The following APBA3 variants were observed in gnomAD, a reference collection of about 807,000 sequenced individuals.
The protein encoded by APBA3 is amyloid beta precursor protein binding family A member 3, also known as amyloid-beta A4 precursor protein-binding family A member 3.
A neutral mutation model predicts 55.9 loss-of-function variants in APBA3; 45 were observed. The ratio of observed to expected loss-of-function variants is 0.80; its 90% CI spans 0.63 to 1.03. The LOEUF is 1.03. Ranked by LOEUF, APBA3 falls within the 50% of genes least tolerant of loss-of-function variation. The pLI is 0.00. For synonymous variants in APBA3, 370 were observed against 353.3 expected, an observed-to-expected ratio of 1.05 and a Z score of -0.53; for missense variants, 865 against 820.3, an observed-to-expected ratio of 1.05 and a Z score of -0.67.
At chr19:3,760,388 G>T (rs1226015527) in intron 1 of APBA3, 87 bp from the exon 2 acceptor site, 2 of 837,406 alleles carry the variant, frequency 2.4e-6, no homozygotes, top group Non-Finnish European at 3.6e-6. Flanking sequence ...GCCCAGAAGG[G>T]CTGACTGAAC....
At chr19:3,753,468 C>G (rs945449470) in intron 6 of APBA3, 1 of 402,076 alleles carries the variant, frequency 2.5e-6, no homozygotes, top group East Asian at 4.2e-5. Flanking sequence ...GGCAACAGAG[C>G]GAGACCGTGT....
At chr19:3,756,807 C>T (rs1487322561) in intron 3 of APBA3, 3 of 152,160 alleles carry the variant, frequency 2.0e-5, no homozygotes, top group East Asian at 1.9e-4. Flanking sequence ...ATATGGCTCA[C>T]GTTGTATTTC....
At position 3,754,014 on chromosome 19, in the gene APBA3, C is replaced by T. The variant is rs756881735; in HGVS notation, c.849+5G>A. On this transcript the variant is annotated splice_donor_5th_base_variant and intron_variant, in intron 5 of 10. Transcript: ENST00000316757. ...GCATCCCTGGGGCGGGTCCCTGCCCCGTACCTGGGAGTCCGCTGTCAAGAC... is the reference window on the plus strand; with the variant it reads ...GCATCCCTGGGGCGGGTCCCTGCCCTGTACCTGGGAGTCCGCTGTCAAGAC... The T allele has an allele frequency of 2.1e-5, 34 of 1,607,042 alleles. No homozygotes were observed. Among genetic ancestry groups the T allele is most frequent in the Non-Finnish European group, 2.7e-5 (32 of 1,177,000 alleles).
intron 3 of APBA3, chr19:3,755,791 T>G (rs964204960): frequency 3.4e-5 from 5 of 147,852 alleles, no homozygotes; most frequent in African/African-American, 1.2e-4. Context: ...CAGAGCAAGA[T>G]TCCATCTCCA....
chr19:3,757,100 A>G (rs952566241), intron 3 of APBA3, among the ~76,000 whole-genome samples: 8 of 151,852 alleles, frequency 5.3e-5, no homozygotes, highest in African/African-American at 1.9e-4. Context: ...TTCTCTCTGC[A>G]ACCACAGAAC....
chr19:3,753,232 T>C (rs2037032535), intron 6 of APBA3: 1 of 573,080 alleles, frequency 1.7e-6, no homozygotes, highest in Non-Finnish European at 3.1e-6. Flanking sequence ...GGCAGCTCCC[T>C]GCGCATGGGC....
rs140376888 is a variant in APBA3, at chr19:3,752,979, G to A, written c.1023C>T (p.Ile341=). 1,303 of 1,611,950 alleles carry A rather than the reference G, an allele frequency of 8.1e-4. 2 individuals are homozygous for A. Among genetic ancestry groups the A allele is most frequent in the Non-Finnish European group, 9.6e-4 (1,135 of 1,179,858 alleles). Residue 341 remains isoleucine (I), a synonymous_variant, in exon 7 of 11, where the codon ATC becomes ATT. Transcript: ENST00000316757. The stretch of plus-strand genomic sequence containing the variant: ...CGAAGGCCTGGCCAATGGCCTGGGC[G>A]ATGAGCTGGGCCTGCGGGGAGGAGT... ...HVFYAEDAQL[I]AQAIGQAFAA...
chr19:3,751,381 G>T, intron 9 of APBA3, 52 bp from the exon 10 acceptor site: 1 of 1,514,882 alleles, frequency 6.6e-7, no homozygotes. Context: ...CTCAGGGGCC[G>T]TGCTCAGGGC....
chr19:3,755,382 C>T (rs1475273641), intron 3 of APBA3: 1 of 152,312 alleles, frequency 6.6e-6, no homozygotes, highest in Non-Finnish European at 1.5e-5. Flanking sequence ...GTAGTTCACA[C>T]CTTTGGCTAC....
rs201552903 is a variant in APBA3 at position 3,751,296 on chromosome 19, G to A, written c.1549C>T (p.Arg517Cys). 111 of 1,540,372 alleles carry A rather than the reference G, an allele frequency of 7.2e-5. 1 individual carries two copies. The African/African-American group carries it at 1.2e-3, about 17-fold the overall frequency. The change falls in exon 10 of 11, where the codon CGT becomes TGT. Residue 517 changes from arginine (R) to cysteine (C), a missense_variant. By Grantham distance (180) the Arg-to-Cys change is radical. Coordinates refer to ENST00000316757, the MANE Select transcript of APBA3 (RefSeq NM_004886.4). Reference protein sequence around the residue: ...CSLLRGGIAERGGIRVGHRII... With the variant: ...CSLLRGGIAECGGIRVGHRII... The stretch of plus-strand genomic sequence containing the variant: ...CGGTGGCCGACGCGGATGCCCCCAC[G>A]CTCGGCGATGCCACCACGGAGGAGG...
At chr19:3,760,692 T>C (rs1175495215) in intron 1 of APBA3, among the ~76,000 whole-genome samples, 1 of 147,124 alleles carries the variant, frequency 6.8e-6, no homozygotes, top group East Asian at 2.0e-4. Flanking sequence ...GAGGTTGCAG[T>C]GAGCTGAGAT....
Position 3,752,704 on chromosome 19 carries a change from C to A in APBA3, c.1199G>T (p.Arg400Leu), listed in dbSNP as rs546546787. The A allele has an allele frequency of 4.4e-6, 7 of 1,597,270 alleles. No individual in the cohort carries two copies. In the African/African-American group the frequency reaches 5.4e-5, roughly 12 times the overall value. ...GGCCACGCCCAGGCCCTCCCCTCGC[C>A]GCTTCTCGAGGTGCACCTGGGACAC... is the stretch of plus-strand genomic sequence containing the variant. ...DNCREVHLEK[R>L]RGEGLGVALV... Residue 400 changes from arginine (R) to leucine (L), a missense_variant, in exon 8 of 11, where the codon CGG becomes CTG. Transcript: ENST00000316757.
chr19:3,759,302 C>T (rs930678771), intron 3 of APBA3, among the ~76,000 whole-genome samples: 2 of 152,148 alleles, frequency 1.3e-5, no homozygotes, highest in Admixed American at 6.5e-5. Flanking sequence ...GGGTCTGGCC[C>T]GACGACGATG....
At chr19:3,752,362 C>T (rs1336540387) in intron 8 of APBA3, 146 bp downstream of exon 8, 13 of 747,144 alleles carry the variant, frequency 1.7e-5, no homozygotes, top group Non-Finnish European at 2.8e-5. Context: ...CTCAGTTTCC[C>T]CAAGGGCACA....
At position 3,751,349 on chromosome 19, in the gene APBA3, G is replaced by A. The variant is rs775080469; in HGVS notation, c.1516-20C>T. ...GCAGATCTGGGGGAGAAAAGAGGGG[G>A]ACGGGAAAGAGGTGGGGGCTGCTCA... On this transcript the variant is annotated intron_variant, in intron 9 of 10. Transcript: ENST00000316757. 3.3e-6 allele frequency: 5 copies of A among 1,522,492 alleles called. No individual in the cohort carries two copies. The highest frequency in any genetic ancestry group is 2.4e-5 in the South Asian group (2 of 82,284). The allele number at this position is 1,522,492 out of a possible 1,614,324, so 94.3% of individuals were successfully genotyped here.
Position 3,754,068 on chromosome 19 carries a change from T to C in APBA3, c.800A>G (p.Asp267Gly), listed in dbSNP as rs1389163778. The C allele has an allele frequency of 1.9e-6, 3 of 1,610,472 alleles. No individual in the cohort carries two copies. The highest frequency in any genetic ancestry group is 2.5e-6 in the Non-Finnish European group (3 of 1,178,494). ...DGETQPMTEV[D>G]LFVSTKRIKV... ...GATCCTCTTGGTGGAGACGAACAGG[T>C]CCACCTCCGTCATGGGCTGGGTCTC... Residue 267 changes from aspartate to glycine, a missense_variant, in exon 5 of 11, where the codon GAC becomes GGC. By Grantham distance (94) the Asp-to-Gly change is moderately conservative (BLOSUM62 -1). Coordinates refer to ENST00000316757, the MANE Select transcript of APBA3 (RefSeq NM_004886.4).
chr19:3,751,158 C>T (rs1285182542), intron 10 of APBA3, 31 bp downstream of exon 10: 7 of 1,553,888 alleles, frequency 4.5e-6, no homozygotes, highest in African/African-American at 4.1e-5. Flanking sequence ...GACGTGGGGG[C>T]GCCCCTGGCC....
intron 10 of APBA3, 32 bp downstream of exon 10, chr19:3,751,157 G>C: frequency 6.4e-7 from 1 of 1,554,440 alleles, no homozygotes; most frequent in Non-Finnish European, 8.7e-7. Flanking sequence ...GGACGTGGGG[G>C]CGCCCCTGGC....
At position 3,760,162 on chromosome 19, in the gene APBA3, T is replaced by C. The variant is rs2037127646; in HGVS notation, c.103A>G (p.Ser35Gly). 2 of 1,613,326 alleles carry C rather than the reference T, an allele frequency of 1.2e-6. No homozygotes were observed. The highest frequency in any genetic ancestry group is 8.5e-7 in the Non-Finnish European group (1 of 1,180,030). ...CCTCCTGGCATAGGGTCCCACTGGC[T>C]GTCAGGGGTGAGGTCCTCCGAAGGC... ...LVPSEDLTPD[S>G]QWDPMPGGPG... Residue 35 changes from serine (S) to glycine (G), a missense_variant, in exon 2 of 11, where the codon AGC becomes GGC. Coordinates refer to ENST00000316757, the MANE Select transcript of APBA3 (RefSeq NM_004886.4).
Sources: gnomAD v4.1 joint callset for allele counts (sites outside exome capture counted in the v4.1 genomes callset) on GRCh38, gnomAD v4.1.1 for gene constraint, MANE v1.5 for transcripts, NCBI Gene and HGNC (gene_info 2026-07-23, HGNC 2026-07-21) for gene names.